The following YBX2 variants were observed in gnomAD, a reference collection of about 807,000 sequenced individuals.
YBX2 encodes the protein Y-box binding protein 2.
In YBX2, 5 loss-of-function variants were observed where a neutral mutation model predicts 44.4. That is an observed-to-expected ratio of 0.11 (90% CI 0.06 to 0.24). The LOEUF is 0.24. Among genes scored for constraint, YBX2 ranks in the 10% least tolerant of loss-of-function variants. YBX2 has a pLI of 1.00. For missense variants in YBX2, 417 were observed against 526.9 expected (o/e 0.79, Z 2.04); for synonymous variants, 188 against 216.1 (o/e 0.87, Z 1.14).
At chr17:7,293,158 T>C (rs1358646156) in intron 2 of YBX2, 3 of 441,882 alleles carry the variant, frequency 6.8e-6, no homozygotes, top group East Asian at 4.9e-5. Context: ...AACCCTATAA[T>C]ACATTCTGCC....
Position 7,292,183 on chromosome 17 carries a change from G to T in YBX2, c.336-124C>A, listed in dbSNP as rs1454352659. 8.8e-6 allele frequency: 10 copies of T among 1,137,572 alleles called. No individual in the cohort carries two copies. In the Admixed American group the frequency reaches 1.3e-4, roughly 14 times the overall value. The allele number at this position is 1,137,572 out of a possible 1,614,324, so 70.5% of individuals were successfully genotyped here. A position where few individuals can be genotyped will look rare whatever the true frequency, so the allele number is the denominator to read the frequency against. On this transcript the variant is annotated intron_variant, in intron 2 of 8. Coordinates refer to ENST00000007699, the MANE Select transcript of YBX2 (RefSeq NM_015982.4). ...ATCCTCTCCAGCATTCCAGTTAGGG[G>T]TGGACATGGCCTGGGGAATGGGAGG...
In YBX2 at chr17:7,290,538, G is replaced by A. The variant is rs2072494547; in HGVS notation, c.460-3C>T. ...GTTACATTAGTGGCTTCTGCGCCCT[G>A]GGAAGGTGGTAAGGGAATAGTGAGA... On this transcript the variant is annotated splice_polypyrimidine_tract_variant and splice_region_variant and intron_variant, in intron 4 of 8. Transcript: ENST00000007699. The A allele has an allele frequency of 6.2e-7, 1 of 1,611,080 alleles. No individual in the cohort carries two copies. Among genetic ancestry groups the A allele is most frequent in the Non-Finnish European group, 8.5e-7 (1 of 1,178,178 alleles).
chr17:7,290,014 C>T lies in YBX2; in HGVS notation c.802G>A (p.Gly268Arg), dbSNP rs2072488808. 17 of 1,614,246 alleles carry T rather than the reference C, an allele frequency of 1.1e-5. No homozygotes were observed. The highest frequency in any genetic ancestry group is 1.4e-5 in the Non-Finnish European group (16 of 1,180,038). ...TAPLEGHQQQ[G>R]DERVPPPRFR... is the part of the protein sequence containing the mutation. ...CTGGGCGGGGGGACTCGCTCATCTC[C>T]CTGCTGTTGGTGCCCCTCCAATGGG... Residue 268 changes from glycine to arginine, a missense_variant, in exon 6 of 9, where the codon GGA (glycine) becomes AGA (arginine). Gly to Arg is a moderately radical substitution (Grantham distance 125). Transcript: ENST00000007699.
chr17:7,292,999 G>C (rs532122464), intron 2 of YBX2: 18 of 191,758 alleles, frequency 9.4e-5, no homozygotes, highest in Non-Finnish European at 1.7e-4. Context: ...GCAGCCTCTG[G>C]CTCCTTCCTC....
At position 7,294,049 on chromosome 17, in the gene YBX2, G is replaced by A; in HGVS notation, c.271+181C>T. 2.9e-6 allele frequency: 2 copies of A among 698,186 alleles called. No individual in the cohort carries two copies. Among genetic ancestry groups the A allele is most frequent in the Non-Finnish European group, 4.0e-6 (2 of 497,018 alleles). 43.2% of individuals were successfully genotyped at this position (698,186 alleles called of 1,614,324 possible). ...CTGCCGGCCCCGCCCTCTCTCCCAG[G>A]AAGGTACGGCAGGATTTCCCACCAG... On this transcript the variant is annotated intron_variant, in intron 1 of 8. Transcript: ENST00000007699. The surrounding 1 kb of genome is among the most constrained non-coding windows in gnomAD (Gnocchi z 4.6).
chr17:7,290,993 C>T (rs994839564), intron 4 of YBX2, 100 bp downstream of exon 4: 52 of 1,165,476 alleles, frequency 4.5e-5, no homozygotes, highest in East Asian at 9.4e-5. Flanking sequence ...TCCCGCAGAA[C>T]GGGTCAGAGC....
At chr17:7,290,818 C>T (rs1597603771) in intron 4 of YBX2, among the ~76,000 whole-genome samples, 1 of 152,166 alleles carries the variant, frequency 6.6e-6, no homozygotes, top group Admixed American at 6.5e-5. Flanking sequence ...GAGGCGGACT[C>T]GGGAAGTCTA....
At chr17:7,292,123 T>C (rs965277549) in intron 2 of YBX2, 64 bp from the exon 3 acceptor site, 2 of 1,562,674 alleles carry the variant, frequency 1.3e-6, no homozygotes, top group African/African-American at 1.4e-5. Flanking sequence ...CTCACTGAGG[T>C]CCCCCTAGAT....
chr17:7,290,852 G>A (rs150583149), intron 4 of YBX2, among the ~76,000 whole-genome samples: 3 of 152,284 alleles, frequency 2.0e-5, no homozygotes, highest in Admixed American at 6.5e-5. Context: ...CGTGGAGAAC[G>A]GATGTCGAAG....
At position 7,289,952 on chromosome 17, in the gene YBX2, A is replaced by G. The variant is rs1287208945; in HGVS notation, c.848+16T>C. The G allele has an allele frequency of 6.2e-7, 1 of 1,613,324 alleles. No homozygotes were observed. On this transcript the variant is annotated intron_variant, in intron 6 of 8. Coordinates refer to ENST00000007699, the MANE Select transcript of YBX2 (RefSeq NM_015982.4). ...CACTGGAAGGGGAAGACCAAGCCCC[A>G]GCAGGGGGGTCTTACCTTCGGTACC...
Position 7,294,550 on chromosome 17 carries a change from C to A in YBX2, c.-50G>T. 2.1e-6 allele frequency: 3 copies of A among 1,402,044 alleles called. No homozygotes were observed. The highest frequency in any genetic ancestry group is 2.8e-6 in the Non-Finnish European group (3 of 1,076,130). The allele number at this position is 1,402,044 out of a possible 1,614,324, so 86.9% of individuals were successfully genotyped here. ...AGCCGCCACCGCCCCGGCCCCTCCC[C>A]CCGGCTCGCGAACCCACCGCCCTGC... On this transcript the variant is annotated 5_prime_UTR_variant, in exon 1 of 9. Coordinates refer to ENST00000007699, the MANE Select transcript of YBX2 (RefSeq NM_015982.4). This position sits in a 1 kb window ranked among gnomAD's most constrained non-coding sequence, Gnocchi z 4.6.
chr17:7,293,366 A>T (rs2072515649), intron 2 of YBX2, 109 bp downstream of exon 2: 1 of 1,570,016 alleles, frequency 6.4e-7, no homozygotes, highest in African/African-American at 1.4e-5. Flanking sequence ...TCAGCTGGAC[A>T]TTGCAACCAT....
In YBX2 at chr17:7,294,318, C is replaced by G; in HGVS notation, c.183G>C (p.Pro61=). ...CCGGATTGCCAGGGGTGCGGGAGCC[C>G]GGCGCCGAGGGGGTCCCAGCAGCGG... is the stretch of plus-strand genomic sequence containing the variant. ...SGPAAGTPSA[P]GSRTPGNPAT... Residue 61 remains proline, a synonymous_variant, in exon 1 of 9, where the codon CCG becomes CCC. Coordinates refer to ENST00000007699, the MANE Select transcript of YBX2 (RefSeq NM_015982.4). The surrounding 1 kb of genome is among the most constrained non-coding windows in gnomAD (Gnocchi z 4.6). The G allele has an allele frequency of 7.8e-7, 1 of 1,281,236 alleles. No individual in the cohort carries two copies. Among genetic ancestry groups the G allele is most frequent in the East Asian group, 3.1e-5 (1 of 31,930 alleles). The allele number at this position is 1,281,236 out of a possible 1,614,324, so 79.4% of individuals were successfully genotyped here. A position where few individuals can be genotyped will look rare whatever the true frequency, so the allele number is the denominator to read the frequency against.
At chr17:7,288,869 G>T (rs372506273) in intron 7 of YBX2, 31 bp from the exon 8 acceptor site, 14 of 1,613,218 alleles carry the variant, frequency 8.7e-6, no homozygotes, top group Middle Eastern at 1.6e-4. Flanking sequence ...ATTGAGACTT[G>T]TTCTTTTTGT....
chr17:7,294,624 A>G lies in YBX2; in HGVS notation c.-124T>C, dbSNP rs2143006055. 7 of 1,134,102 alleles carry G rather than the reference A, an allele frequency of 6.2e-6. No individual in the cohort carries two copies. Among genetic ancestry groups the G allele is most frequent in the Non-Finnish European group, 7.7e-6 (7 of 913,204 alleles). The allele number at this position is 1,134,102 out of a possible 1,614,324, so 70.3% of individuals were successfully genotyped here. A position where few individuals can be genotyped will look rare whatever the true frequency, so the allele number is the denominator to read the frequency against. On this transcript the variant is annotated 5_prime_UTR_variant, in exon 1 of 9. Coordinates refer to ENST00000007699, the MANE Select transcript of YBX2 (RefSeq NM_015982.4). This position sits in a 1 kb window ranked among gnomAD's most constrained non-coding sequence, Gnocchi z 4.6. ...GCCCACACGCCGGCAGCGGGCCCGG[A>G]GCCGAGGCCAATGGCAGCCCGCTGC...
Position 7,294,310 on chromosome 17 carries a change from C to G in YBX2, c.191G>C (p.Arg64Pro). 7.8e-7 allele frequency: 1 copy of G among 1,278,490 alleles called. No individual in the cohort carries two copies. Among genetic ancestry groups the G allele is most frequent in the Non-Finnish European group, 9.8e-7 (1 of 1,018,724 alleles). 79.2% of individuals were successfully genotyped at this position (1,278,490 alleles called of 1,614,324 possible). ...AAGTPSAPGS[R>P]TPGNPATAVS... ...CGCCGTCGCCGGATTGCCAGGGGTG[C>G]GGGAGCCCGGCGCCGAGGGGGTCCC... Residue 64 changes from arginine (R) to proline (P), a missense_variant, in exon 1 of 9, where the codon CGC becomes CCC. Transcript: ENST00000007699. The surrounding 1 kb of genome is among the most constrained non-coding windows in gnomAD (Gnocchi z 4.6).
At chr17:7,289,405 G>C in intron 7 of YBX2, 125 bp downstream of exon 7, 1 of 1,424,688 alleles carries the variant, frequency 7.0e-7, no homozygotes, top group Non-Finnish European at 9.4e-7. Flanking sequence ...GCATGGAAGA[G>C]GGTGGTGGCA....
At chr17:7,289,440 GC>G (rs1032927663) in intron 7 of YBX2, 89 bp downstream of exon 7, 24 of 1,531,608 alleles carry the variant, frequency 1.6e-5, no homozygotes, top group Non-Finnish European at 2.1e-5. Context: ...GAGGGGAGGA[GC>G]CAAAGGATAG....
chr17:7,291,198 G>A lies in YBX2; in HGVS notation c.370-16C>T. On this transcript the variant is annotated splice_polypyrimidine_tract_variant and intron_variant, in intron 3 of 8. Coordinates refer to ENST00000007699, the MANE Select transcript of YBX2 (RefSeq NM_015982.4). This position sits in a 1 kb window ranked among gnomAD's most constrained non-coding sequence, Gnocchi z 5.8. ...TAATAGCTGTCTGATTGGGGAAAAGGCCATGTGAAAAGTGAGACAGCAAGA... is the reference window on the plus strand; with the variant it reads ...TAATAGCTGTCTGATTGGGGAAAAGACCATGTGAAAAGTGAGACAGCAAGA... 1 of 1,613,622 alleles carries A rather than the reference G, an allele frequency of 6.2e-7. No homozygotes were observed. Among genetic ancestry groups the A allele is most frequent in the South Asian group, 1.1e-5 (1 of 91,068 alleles).
Sources: gnomAD v4.1 joint callset for allele counts (sites outside exome capture counted in the v4.1 genomes callset) on GRCh38, gnomAD v4.1.1 for gene constraint, Gnocchi (gnomAD v3.1) non-coding constraint, MANE v1.5 for transcripts, NCBI Gene and HGNC (gene_info 2026-07-23, HGNC 2026-07-21) for gene names.